CCDC146: variants seen among roughly 807,000 people sequenced by gnomAD.
CCDC146 encodes the protein coiled-coil domain containing 146.
Under a neutral mutation model 119.3 loss-of-function variants are expected in CCDC146, and 92 were observed. The observed-to-expected ratio is 0.77, with a 90% CI of 0.65 to 0.92. CCDC146 has a LOEUF of 0.92. Ranked by LOEUF, CCDC146 falls within the 40% of genes least tolerant of loss-of-function variation. The pLI, the probability that CCDC146 is intolerant of heterozygous loss-of-function variation, is 0.00. For missense variants in CCDC146, 1,000 were observed against 1,103.0 expected (o/e 0.91, Z 1.32); for synonymous variants, 372 against 371.8 (o/e 1.00, Z -0.01).
At chr7:77,151,129 A>G (rs947890124) in intron 1 of CCDC146, among the ~76,000 whole-genome samples, 1 of 152,122 alleles carries the variant, frequency 6.6e-6, no homozygotes, top group Non-Finnish European at 1.5e-5. Flanking sequence ...CCAACTTCTC[A>G]TTGTAGCCTC....
chr7:77,160,813 G>T (rs997883008), intron 1 of CCDC146, among the ~76,000 whole-genome samples: 3 of 152,068 alleles, frequency 2.0e-5, no homozygotes, highest in African/African-American at 7.2e-5. Flanking sequence ...AAGAGCTTCT[G>T]CACAGCAAAA....
intron 4 of CCDC146, among the ~76,000 whole-genome samples, chr7:77,253,706 T>C (rs1793122940): frequency 6.6e-6 from 1 of 152,190 alleles, no homozygotes; most frequent in Non-Finnish European, 1.5e-5. Context: ...ATGAATACTG[T>C]ATAGAAAAGT....
In CCDC146 at chr7:77,293,059, C is replaced by A; in HGVS notation, c.2523C>A (p.Val841=). The A allele has an allele frequency of 6.2e-7, 1 of 1,614,102 alleles. No individual in the cohort carries two copies. The highest frequency in any genetic ancestry group is 8.5e-7 in the Non-Finnish European group (1 of 1,180,010). Residue 841 remains valine, a synonymous_variant, in exon 18 of 19, where the codon GTC becomes GTA. Coordinates refer to ENST00000285871, the MANE Select transcript of CCDC146 (RefSeq NM_020879.3). ...QALTIELQKE[V]REKEDFIFTC... is the part of the protein sequence containing the mutation. ...TAACCATTGAACTCCAAAAGGAAGT[C>A]AGGGAGAAAGAAGACTTCATCTTCA...
At position 77,285,880 on chromosome 7, in the gene CCDC146, A is replaced by C. The variant is rs925745961; in HGVS notation, c.2149-918A>C. The stretch of plus-strand genomic sequence containing the variant: ...CCAAGCTGTTCCTCACAGAGTGTAC[A>C]TTAGGTAGATTCAATAATTAAGAAT... On this transcript the variant is annotated intron_variant, in intron 15 of 18. Coordinates refer to ENST00000285871, the MANE Select transcript of CCDC146 (RefSeq NM_020879.3). Among the ~76,000 whole-genome samples the C allele has an allele frequency of 3.0e-4, 45 of 152,360 alleles. 1 individual carries two copies. Among genetic ancestry groups the C allele is most frequent in the African/African-American group, 7.7e-4 (32 of 41,582 alleles).
At chr7:77,188,430 G>A (rs1294461261) in intron 2 of CCDC146, among the ~76,000 whole-genome samples, 1 of 152,206 alleles carries the variant, frequency 6.6e-6, no homozygotes, top group Admixed American at 6.5e-5. Context: ...GTACTCTAAT[G>A]AATTTAAATG....
At chr7:77,142,683 C>A (rs879881762) in intron 1 of CCDC146, among the ~76,000 whole-genome samples, 9 of 151,194 alleles carry the variant, frequency 6.0e-5, no homozygotes, top group African/African-American at 2.2e-4. Context: ...TTTGTTCTTG[C>A]GATAGTTTGC....
At chr7:77,219,825 G>A (rs1460549534) in intron 2 of CCDC146, among the ~76,000 whole-genome samples, 2 of 152,050 alleles carry the variant, frequency 1.3e-5, no homozygotes, top group African/African-American at 4.8e-5. Flanking sequence ...AAAAGAGGAG[G>A]GAGTGTATGA....
intron 1 of CCDC146, among the ~76,000 whole-genome samples, chr7:77,153,364 T>A (rs1431781964): frequency 3.3e-5 from 5 of 151,984 alleles, no homozygotes; most frequent in Non-Finnish European, 5.9e-5. Flanking sequence ...TATTGTAATG[T>A]TATACACATG....
intron 2 of CCDC146, among the ~76,000 whole-genome samples, chr7:77,170,101 G>GTAGTTTTTC (rs1791398145): frequency 6.6e-6 from 1 of 152,078 alleles, no homozygotes; most frequent in South Asian, 2.1e-4. Flanking sequence ...TACCCGGTAG[G>GTAGTTTTTC]TAGTTTTTCA....
chr7:77,227,541 G>A (rs1158116592), intron 2 of CCDC146, among the ~76,000 whole-genome samples: 5 of 152,136 alleles, frequency 3.3e-5, no homozygotes, highest in African/African-American at 9.7e-5. Context: ...TCCTGACCTC[G>A]TGATCCGCCT....
intron 2 of CCDC146, among the ~76,000 whole-genome samples, chr7:77,213,052 T>C (rs1792219767): frequency 1.3e-5 from 2 of 151,358 alleles, no homozygotes; most frequent in South Asian, 2.1e-4. Flanking sequence ...TATTGTCACA[T>C]GTACATATTT....
chr7:77,267,841 A>G (rs6980183), intron 9 of CCDC146, among the ~76,000 whole-genome samples: 14,126 of 152,218 alleles, frequency 0.093, 1,214 homozygotes, highest in East Asian at 0.42. Flanking sequence ...TCCTCTCAGT[A>G]TATTAAAACA....
At chr7:77,214,863 T>C (rs1426192076) in intron 2 of CCDC146, among the ~76,000 whole-genome samples, 1 of 152,152 alleles carries the variant, frequency 6.6e-6, no homozygotes, top group Admixed American at 6.6e-5. Context: ...ATTCACAAAA[T>C]GGGATGCCTC....
intron 2 of CCDC146, among the ~76,000 whole-genome samples, chr7:77,190,614 G>T (rs972821106): frequency 6.6e-6 from 1 of 152,168 alleles, no homozygotes; most frequent in Non-Finnish European, 1.5e-5. Context: ...GCAAGGGGGG[G>T]CCCACTCATG....
intron 4 of CCDC146, among the ~76,000 whole-genome samples, chr7:77,252,015 G>A (rs1295554453): frequency 6.6e-6 from 1 of 152,096 alleles, no homozygotes; most frequent in African/African-American, 2.4e-5. Context: ...TGGACGTGGT[G>A]GCACGTGCCT....
intron 15 of CCDC146, among the ~76,000 whole-genome samples, chr7:77,286,111 G>C (rs757047675): frequency 6.6e-6 from 1 of 152,208 alleles, no homozygotes; most frequent in Non-Finnish European, 1.5e-5. Flanking sequence ...TTTAGCTCAT[G>C]GTTCTGCAGG....
intron 3 of CCDC146, among the ~76,000 whole-genome samples, chr7:77,240,834 T>C (rs937994645): frequency 2.0e-5 from 3 of 152,134 alleles, no homozygotes; most frequent in African/African-American, 7.2e-5. Context: ...TTTTCAACAG[T>C]TTTTCCACTA....
chr7:77,287,383 AG>A, intron 16 of CCDC146, 56 bp from the exon 17 acceptor site: 3 of 1,581,340 alleles, frequency 1.9e-6, no homozygotes, highest in Non-Finnish European at 2.6e-6. Context: ...TTAGGAAATA[AG>A]ATTTTGTCTT....
chr7:77,159,509 C>T (rs1408218252), intron 1 of CCDC146, among the ~76,000 whole-genome samples: 1 of 152,060 alleles, frequency 6.6e-6, no homozygotes, highest in African/African-American at 2.4e-5. Flanking sequence ...ATACATATAT[C>T]GCAATTTCTT....
Sources: allele counts gnomAD v4.1 joint callset (sites outside exome capture counted in the v4.1 genomes callset), GRCh38; gene constraint gnomAD v4.1.1; transcripts MANE v1.5; gene names NCBI Gene and HGNC (gene_info 2026-07-23, HGNC 2026-07-21).